The following SORCS2 variants were observed in gnomAD, a reference collection of about 807,000 sequenced individuals.
SORCS2 encodes VPS10 domain-containing receptor SorCS2.
In SORCS2, 100 loss-of-function variants were observed where a neutral mutation model predicts 141.6. That is an observed-to-expected ratio of 0.71 (90% CI 0.60 to 0.83). SORCS2 has a LOEUF of 0.83. Ranked by LOEUF, SORCS2 falls within the 40% of genes least tolerant of loss-of-function variation. The probability of loss-of-function intolerance (pLI) is 0.00; values close to 1 mark genes in which losing one functional copy is unlikely to be tolerated. For missense variants in SORCS2, 1,646 were observed against 1,560.2 expected, an observed-to-expected ratio of 1.05 and a Z score of -0.93; for synonymous variants, 789 against 676.9, an observed-to-expected ratio of 1.17 and a Z score of -2.57.
At position 7,714,277 on chromosome 4, in the gene SORCS2, G is replaced by A. The variant is rs748086651; in HGVS notation, c.2027G>A (p.Arg676Gln). 42 of 1,610,170 alleles carry A rather than the reference G, an allele frequency of 2.6e-5. No homozygotes were observed. The highest frequency in any genetic ancestry group is 1.6e-4 in the East Asian group (7 of 44,750). Reference protein sequence around the residue: ...RCIMGQQRSFRKRKSTSWCIK... With the variant: ...RCIMGQQRSFQKRKSTSWCIK... ...ATCATGGGCCAGCAGAGAAGTTTCCGGAAAAGAAAGTCCACGTCCTGGTGC... is the reference window on the plus strand; with the variant it reads ...ATCATGGGCCAGCAGAGAAGTTTCCAGAAAAGAAAGTCCACGTCCTGGTGC... The change falls in exon 16 of 27, where the codon CGG becomes CAG. Residue 676 changes from arginine to glutamine, a missense_variant. Arg to Gln is a conservative substitution (Grantham distance 43). Coordinates refer to ENST00000507866, the MANE Select transcript of SORCS2 (RefSeq NM_020777.3).
Position 7,306,242 on chromosome 4 carries a change from C to T in SORCS2, c.481-90046C>T, listed in dbSNP as rs114442087. On this transcript the variant is annotated intron_variant, in intron 1 of 26. Transcript: ENST00000507866. ...CGGGCTCCCCTCCAGAGCCCACAGTCGGCTGGCTGGCTCAGGGCACTGTGC... is the reference window on the plus strand; with the variant it reads ...CGGGCTCCCCTCCAGAGCCCACAGTTGGCTGGCTGGCTCAGGGCACTGTGC... 2.8e-3 allele frequency among the ~76,000 whole-genome samples: 424 copies of T among 152,252 alleles called. 1 individual carries two copies. Among genetic ancestry groups the T allele is most frequent in the African/African-American group, 9.5e-3 (394 of 41,552 alleles).
At chr4:7,718,281 G>C in intron 18 of SORCS2, 98 bp downstream of exon 18, 1 of 1,411,166 alleles carries the variant, frequency 7.1e-7, no homozygotes, top group Middle Eastern at 2.5e-4. Context: ...CCTCCACCTA[G>C]AAGTGGCTCA....
At chr4:7,211,063 G>C (rs1577279626) in intron 1 of SORCS2, among the ~76,000 whole-genome samples, 1 of 152,222 alleles carries the variant, frequency 6.6e-6, no homozygotes. Context: ...AAAATCACTT[G>C]TGCAAGAAAT....
At chr4:7,685,542 A>G (rs1723819353) in intron 10 of SORCS2, among the ~76,000 whole-genome samples, 1 of 152,198 alleles carries the variant, frequency 6.6e-6, no homozygotes. Context: ...ATGGTGGCAC[A>G]TGCCTATAAT....
intron 2 of SORCS2, among the ~76,000 whole-genome samples, chr4:7,515,005 T>C (rs1180453394): frequency 6.6e-6 from 1 of 152,152 alleles, no homozygotes; most frequent in African/African-American, 2.4e-5. Flanking sequence ...GTGAAGGGCA[T>C]GGACAACCCA....
intron 7 of SORCS2, among the ~76,000 whole-genome samples, chr4:7,665,937 C>G (rs548691062): frequency 1.3e-5 from 2 of 152,108 alleles, no homozygotes; most frequent in African/African-American, 2.4e-5. Flanking sequence ...GAACACATGC[C>G]CTGGGGAACC....
chr4:7,433,218 C>T, intron 2 of SORCS2: 1 of 1,265,100 alleles, frequency 7.9e-7, no homozygotes, highest in Admixed American at 3.6e-5. Context: ...CAGCCTCCCT[C>T]CTCAGAGCTT....
chr4:7,351,295 C>A (rs538691020), intron 1 of SORCS2, among the ~76,000 whole-genome samples: 70 of 152,298 alleles, frequency 4.6e-4, no homozygotes, highest in African/African-American at 1.6e-3. Context: ...CTTGTCACAG[C>A]GGGTGTTATA....
chr4:7,540,161 TCTCCCTGCCC>T (rs71175415), intron 3 of SORCS2, among the ~76,000 whole-genome samples: 45,625 of 50,784 alleles, frequency 0.9, 21,122 homozygotes, highest in Non-Finnish European at 0.98. Context: ...CGCCCCTGCC[TCTCCCTGCCC>T]CTCCCTGCCC....
At chr4:7,273,473 C>T (rs1715273963) in intron 1 of SORCS2, among the ~76,000 whole-genome samples, 1 of 152,230 alleles carries the variant, frequency 6.6e-6, no homozygotes, top group East Asian at 1.9e-4. Flanking sequence ...GAGACTGTCT[C>T]CATGGCCAGA....
intron 3 of SORCS2, among the ~76,000 whole-genome samples, chr4:7,544,064 C>CCATCCATCCATCCACCCATGCATG: frequency 8.5e-6 from 1 of 117,856 alleles, no homozygotes; most frequent in Non-Finnish European, 1.9e-5. Context: ...ACCCACCCAT[C>CCATCCATCCATCCACCCATGCATG]CATCCACCCA....
chr4:7,698,391 C>G (rs1298105592), intron 12 of SORCS2, among the ~76,000 whole-genome samples: 3 of 152,162 alleles, frequency 2.0e-5, no homozygotes, highest in Admixed American at 6.5e-5. Context: ...GGTTGAAGGC[C>G]TTGACGTTTT....
chr4:7,631,835 C>A (rs1291613481), intron 3 of SORCS2, among the ~76,000 whole-genome samples: 1 of 152,052 alleles, frequency 6.6e-6, no homozygotes. Flanking sequence ...CTGGACAGAG[C>A]TGCCGCTGCA....
intron 1 of SORCS2, among the ~76,000 whole-genome samples, chr4:7,250,052 G>A (rs1465273484): frequency 6.6e-6 from 1 of 152,124 alleles, no homozygotes; most frequent in East Asian, 1.9e-4. Context: ...GACCAGTCTG[G>A]CCAACATGGT....
chr4:7,304,632 C>T (rs1049741549), intron 1 of SORCS2, among the ~76,000 whole-genome samples: 6 of 152,206 alleles, frequency 3.9e-5, no homozygotes, highest in Non-Finnish European at 7.3e-5. Flanking sequence ...TTCTTCCTCT[C>T]AGAGCTGCAC....
At chr4:7,610,014 T>C (rs1400295301) in intron 3 of SORCS2, among the ~76,000 whole-genome samples, 1 of 152,074 alleles carries the variant, frequency 6.6e-6, no homozygotes, top group Non-Finnish European at 1.5e-5. Context: ...CACAGGCCAG[T>C]TTTCAATCAT....
intron 12 of SORCS2, among the ~76,000 whole-genome samples, chr4:7,699,108 A>C (rs1724890951): frequency 6.6e-6 from 1 of 152,170 alleles, no homozygotes; most frequent in South Asian, 2.1e-4. Context: ...TTTTGTTTAA[A>C]GCCAGAAAAC....
chr4:7,356,674 T>A (rs3894733), intron 1 of SORCS2, among the ~76,000 whole-genome samples: 32,791 of 152,182 alleles, frequency 0.22, 3,935 homozygotes, highest in East Asian at 0.45. Context: ...GGTCGGGGGA[T>A]GCAGACATCC....
intron 3 of SORCS2, among the ~76,000 whole-genome samples, chr4:7,563,628 C>T (rs1714757565): frequency 6.6e-6 from 1 of 152,192 alleles, no homozygotes; most frequent in African/African-American, 2.4e-5. Context: ...GACAAGATGC[C>T]ATCTGCTTCT....
Sources: gnomAD v4.1 joint callset for allele counts (sites outside exome capture counted in the v4.1 genomes callset) on GRCh38, gnomAD v4.1.1 for gene constraint, MANE v1.5 for transcripts, NCBI Gene and HGNC (gene_info 2026-07-23, HGNC 2026-07-21) for gene names.